PHTF1: variants seen among roughly 807,000 people sequenced by gnomAD.
The protein encoded by PHTF1 is putative homeodomain transcription factor 1.
PHTF1 carries 88 observed loss-of-function variants against 102.4 expected under a neutral mutation model. The observed-to-expected ratio is 0.86, with a 90% CI of 0.72 to 1.03. The LOEUF (loss-of-function observed/expected upper bound fraction) is 1.03. PHTF1 is among the 50% of genes least tolerant of loss of function. The pLI, the probability that PHTF1 is intolerant of heterozygous loss-of-function variation, is 0.00. For missense variants in PHTF1, 814 were observed against 909.5 expected (o/e 0.89, Z 1.35); for synonymous variants, 289 against 305.2 (o/e 0.95, Z 0.55).
chr1:113,716,028 G>C (rs1651970333), intron 7 of PHTF1, among the ~76,000 whole-genome samples: 1 of 152,122 alleles, frequency 6.6e-6, no homozygotes, highest in South Asian at 2.1e-4. Flanking sequence ...GGTAGAGAGA[G>C]AGACAGGAGT....
chr1:113,705,837 T>C (rs1650060225), intron 13 of PHTF1, 53 bp downstream of exon 13: 1 of 1,399,396 alleles, frequency 7.1e-7, no homozygotes, highest in Non-Finnish European at 9.9e-7. Flanking sequence ...AGCAACTCAA[T>C]GGAATATCAT....
Position 113,732,835 on chromosome 1 carries a change from GA to G in PHTF1, c.331+5274del, listed in dbSNP as rs200100884. On this transcript the variant is annotated intron_variant, in intron 5 of 18. Transcript: ENST00000369604. Reference sequence around the variant, plus strand: ...AATTTTACCCTTACAAGTGACCAAGGAAATTCATATTCAACAAGCTAAATAT... The same window carrying G: ...AATTTTACCCTTACAAGTGACCAAGGAATTCATATTCAACAAGCTAAATAT... 1.2e-3 allele frequency among the ~76,000 whole-genome samples: 176 copies of G among 152,182 alleles called. No individual in the cohort carries two copies. The East Asian group carries it at 0.017, about 14-fold the overall frequency.
chr1:113,713,441 A>G lies in PHTF1; in HGVS notation c.624-3T>C. The G allele has an allele frequency of 6.7e-7, 1 of 1,482,796 alleles. No individual in the cohort carries two copies. Among genetic ancestry groups the G allele is most frequent in the Non-Finnish European group, 9.2e-7 (1 of 1,083,878 alleles). 91.9% of individuals were successfully genotyped at this position (1,482,796 alleles called of 1,614,324 possible). A position where few individuals can be genotyped will look rare whatever the true frequency, so the allele number is the denominator to read the frequency against. On this transcript the variant is annotated splice_polypyrimidine_tract_variant and splice_region_variant and intron_variant, in intron 7 of 18. Coordinates refer to ENST00000369604, the MANE Select transcript of PHTF1 (RefSeq NM_001323043.2). ...ATATTAATTTTACTCTTTTAATCCT[A>G]TTTTTTAAAAAAGGAAAAGAAGATT...
At chr1:113,704,257 C>T (rs780119187) in intron 14 of PHTF1, 90 bp from the exon 15 acceptor site, 4 of 650,856 alleles carry the variant, frequency 6.1e-6, no homozygotes, top group South Asian at 2.6e-5. Context: ...GTACTACATT[C>T]GTGTGAAAAT....
intron 5 of PHTF1, 99 bp downstream of exon 5, chr1:113,738,011 C>T (rs1280223593): frequency 1.2e-6 from 1 of 832,386 alleles, no homozygotes; most frequent in Non-Finnish European, 1.9e-6. Context: ...TTTAAACTGT[C>T]AAATGAAAGG....
intron 15 of PHTF1, among the ~76,000 whole-genome samples, chr1:113,702,583 T>G (rs895989194): frequency 3.9e-5 from 6 of 152,020 alleles, no homozygotes; most frequent in African/African-American, 1.4e-4. Flanking sequence ...CAGACTCCAC[T>G]TCTATGAAAA....
At position 113,697,671 on chromosome 1, in the gene PHTF1, A is replaced by G. The variant is rs763307986; in HGVS notation, c.*34T>C. 1 of 1,526,934 alleles carries G rather than the reference A, an allele frequency of 6.5e-7. No homozygotes were observed. The highest frequency in any genetic ancestry group is 9.0e-7 in the Non-Finnish European group (1 of 1,110,194). The allele number at this position is 1,526,934 out of a possible 1,614,324, so 94.6% of individuals were successfully genotyped here. On this transcript the variant is annotated 3_prime_UTR_variant, in exon 19 of 19. Coordinates refer to ENST00000369604, the MANE Select transcript of PHTF1 (RefSeq NM_001323043.2). ...CTTTCCTTGATAGGTAAGTTTTGAT[A>G]CCAGCCAGGGGAGAGTCCAGGCATT...
chr1:113,698,454 C>T, intron 17 of PHTF1, 67 bp from the exon 18 acceptor site: 1 of 1,459,554 alleles, frequency 6.9e-7, no homozygotes, highest in Non-Finnish European at 9.5e-7. Context: ...TGACTTCTTG[C>T]TGTGTTTTGT....
At chr1:113,712,837 A>C (rs1449666068) in intron 8 of PHTF1, among the ~76,000 whole-genome samples, 1 of 144,350 alleles carries the variant, frequency 6.9e-6, no homozygotes, top group Non-Finnish European at 1.5e-5. Flanking sequence ...CCCAGGTTGG[A>C]GTGCAGTGGC....
At chr1:113,703,593 T>C (rs537780547) in intron 15 of PHTF1, among the ~76,000 whole-genome samples, 1 of 152,236 alleles carries the variant, frequency 6.6e-6, no homozygotes, top group South Asian at 2.1e-4. Context: ...ACTCCTGGCC[T>C]CACACAATCC....
intron 11 of PHTF1, 119 bp downstream of exon 11, chr1:113,710,135 G>A: frequency 1.4e-6 from 1 of 728,720 alleles, no homozygotes; most frequent in Non-Finnish European, 2.4e-6. Context: ...CCTCTAAACT[G>A]GGGATAATAA....
chr1:113,751,528 G>T (rs1658078961), intron 3 of PHTF1, among the ~76,000 whole-genome samples: 1 of 152,164 alleles, frequency 6.6e-6, no homozygotes, highest in African/African-American at 2.4e-5. Flanking sequence ...GATGCAGTAT[G>T]TATTAACAGT....
intron 16 of PHTF1, among the ~76,000 whole-genome samples, chr1:113,700,506 A>T (rs901163161): frequency 6.6e-6 from 1 of 152,234 alleles, no homozygotes; most frequent in Non-Finnish European, 1.5e-5. Flanking sequence ...CTAATACTTG[A>T]CATAGAATAT....
chr1:113,700,696 A>T, intron 16 of PHTF1, 98 bp downstream of exon 16: 1 of 1,111,614 alleles, frequency 9.0e-7, no homozygotes, highest in Non-Finnish European at 1.3e-6. Flanking sequence ...AGAAAGTGAC[A>T]GCTAGACAGT....
chr1:113,755,757 G>C (rs545559889), intron 3 of PHTF1, among the ~76,000 whole-genome samples: 1 of 152,232 alleles, frequency 6.6e-6, no homozygotes, highest in East Asian at 1.9e-4. Context: ...ACATGGAAAA[G>C]AGTGAAGGAA....
intron 3 of PHTF1, among the ~76,000 whole-genome samples, chr1:113,742,862 C>A (rs1046796176): frequency 1.3e-5 from 2 of 152,204 alleles, no homozygotes; most frequent in African/African-American, 2.4e-5. Flanking sequence ...GGGACAGAGT[C>A]TTGCTCTGTT....
intron 15 of PHTF1, among the ~76,000 whole-genome samples, chr1:113,701,225 CT>C (rs1248700226): frequency 1.3e-5 from 2 of 152,186 alleles, no homozygotes; most frequent in Non-Finnish European, 2.9e-5. Context: ...GCTACTTTAA[CT>C]ATCAGTGTGT....
At chr1:113,723,120 G>A (rs920854105) in intron 7 of PHTF1, among the ~76,000 whole-genome samples, 3 of 151,466 alleles carry the variant, frequency 2.0e-5, no homozygotes, top group Non-Finnish European at 4.4e-5. Context: ...AAAACACATC[G>A]GCCAATGGAA....
At chr1:113,723,460 G>T (rs139255344) in intron 7 of PHTF1, among the ~76,000 whole-genome samples, 1 of 152,198 alleles carries the variant, frequency 6.6e-6, no homozygotes, top group Non-Finnish European at 1.5e-5. Context: ...TTACAGGCAT[G>T]AGCCACTGTG....
Sources: allele counts gnomAD v4.1 joint callset (sites outside exome capture counted in the v4.1 genomes callset), GRCh38; gene constraint gnomAD v4.1.1; transcripts MANE v1.5; gene names NCBI Gene and HGNC (gene_info 2026-07-23, HGNC 2026-07-21).